Variants in EVL observed in about 807,000 individuals in gnomAD.
The protein encoded by EVL is Enah/Vasp-like.
In EVL, 21 loss-of-function variants were observed where a neutral mutation model predicts 59.6. The ratio of observed to expected loss-of-function variants is 0.35; its 90% confidence interval spans 0.25 to 0.51. The LOEUF (loss-of-function observed/expected upper bound fraction) is 0.51. Ranked by LOEUF, EVL falls within the 20% of genes least tolerant of loss-of-function variation. The pLI is 0.97. For synonymous variants in EVL, 198 were observed against 203.5 expected, an observed-to-expected ratio of 0.97 and a Z score of 0.23; for missense variants, 462 against 546.6, an observed-to-expected ratio of 0.85 and a Z score of 1.54.
chr14:100,097,410 C>A, intron 2 of EVL, 71 bp from the exon 3 acceptor site: 1 of 1,397,334 alleles, frequency 7.2e-7, no homozygotes, highest in South Asian at 1.4e-5. Context: ...TATACTTGCT[C>A]CATCGCAGCG....
rs1886095801 is a variant in EVL, at chr14:100,099,962, A to G, written c.358+2304A>G. ...AAAGTGCTTTTTTTTTTTGCCCCCA[A>G]GGTAGCTTTATTTTACTTGTACATG... On this transcript the variant is annotated intron_variant, in intron 3 of 13. Transcript: ENST00000392920. Among the ~76,000 whole-genome samples, 8 of 126,746 alleles carry G rather than the reference A, an allele frequency of 6.3e-5. No individual in the cohort carries two copies. The Admixed American group carries it at 6.8e-4, about 11-fold the overall frequency. The allele number at this position is 126,746 out of a possible 152,430, so 83.2% of individuals were successfully genotyped here.
At chr14:100,078,170 C>G (rs1237440515) in intron 1 of EVL, among the ~76,000 whole-genome samples, 1 of 152,216 alleles carries the variant, frequency 6.6e-6, no homozygotes, top group Admixed American at 6.5e-5. Context: ...AGAGCAAACC[C>G]ATTTAAGAAC....
chr14:100,026,733 A>G (rs935063793), intron 1 of EVL, among the ~76,000 whole-genome samples: 2 of 152,234 alleles, frequency 1.3e-5, no homozygotes, highest in Admixed American at 1.3e-4. Flanking sequence ...GTCAGAGAGA[A>G]GGTCGTCATC....
chr14:100,099,434 TAAAG>T (rs552151245), intron 3 of EVL, among the ~76,000 whole-genome samples: 100 of 152,144 alleles, frequency 6.6e-4, no homozygotes, highest in Middle Eastern at 3.4e-3. Flanking sequence ...TTTAAGTAAA[TAAAG>T]AACATGTTTT....
At chr14:100,079,938 A>C (rs1026530733) in intron 1 of EVL, among the ~76,000 whole-genome samples, 1 of 152,154 alleles carries the variant, frequency 6.6e-6, no homozygotes, top group Non-Finnish European at 1.5e-5. Context: ...GGCATGTTCC[A>C]TCACACCCAG....
At chr14:100,141,664 C>A in intron 12 of EVL, 72 bp from the exon 13 acceptor site, 1 of 1,498,558 alleles carries the variant, frequency 6.7e-7, no homozygotes, top group Non-Finnish European at 9.2e-7. Context: ...GCCCTTTGGA[C>A]ATGGCCCAGC....
In EVL at chr14:100,143,764, G is replaced by A. The variant is rs1382892431; in HGVS notation, c.*26G>A. On this transcript the variant is annotated 3_prime_UTR_variant, in exon 14 of 14. Transcript: ENST00000392920. ...GGGGCCGGCCTCGCTGCGCTGATTC[G>A]TCGAGCCCATCCGGCGACAGAGGAC... is the stretch of plus-strand genomic sequence containing the variant. 16 of 1,609,000 alleles carry A rather than the reference G, an allele frequency of 9.9e-6. No individual in the cohort carries two copies. Among genetic ancestry groups the A allele is most frequent in the African/African-American group, 1.3e-5 (1 of 74,974 alleles).
intron 1 of EVL, among the ~76,000 whole-genome samples, chr14:99,988,991 C>G (rs75528780): frequency 1.3e-5 from 2 of 152,026 alleles, no homozygotes; most frequent in Admixed American, 1.3e-4. Flanking sequence ...ATCCCAGTAT[C>G]GCAAGATTGG....
chr14:100,100,659 G>A (rs2140325646), intron 3 of EVL, among the ~76,000 whole-genome samples: 1 of 152,128 alleles, frequency 6.6e-6, no homozygotes, highest in South Asian at 2.1e-4. Context: ...TGTGTCTGTA[G>A]TCTCAACTAC....
chr14:99,982,114 T>G (rs1023736128), intron 1 of EVL, among the ~76,000 whole-genome samples: 1 of 152,176 alleles, frequency 6.6e-6, no homozygotes, highest in Non-Finnish European at 1.5e-5. Flanking sequence ...CAGATAAGCA[T>G]TGATCCTGCT....
At chr14:100,007,765 A>G (rs748378783) in intron 1 of EVL, among the ~76,000 whole-genome samples, 14 of 152,094 alleles carry the variant, frequency 9.2e-5, no homozygotes, top group Non-Finnish European at 1.8e-4. Context: ...AGATACTTTC[A>G]GAGAGAGAGG....
rs766368201 is a variant in EVL at position 100,141,810 on chromosome 14, C to T, written c.1219+17C>T. 22 of 1,610,926 alleles carry T rather than the reference C, an allele frequency of 1.4e-5. No individual in the cohort carries two copies. Among genetic ancestry groups the T allele is most frequent in the Admixed American group, 6.7e-5 (4 of 59,802 alleles). On this transcript the variant is annotated intron_variant, in intron 13 of 13. Coordinates refer to ENST00000392920, the MANE Select transcript of EVL (RefSeq NM_016337.3). ...TCATCGACGGTGAGTGCAGCCCCAC[C>T]GGGGAGGGTGGCACCCAGGTGTGGC...
chr14:100,115,213 C>G (rs1008982183), intron 3 of EVL, among the ~76,000 whole-genome samples: 3 of 152,200 alleles, frequency 2.0e-5, no homozygotes, highest in Non-Finnish European at 2.9e-5. Context: ...AACAACTCCC[C>G]TAAGGAACAC....
chr14:100,113,957 G>T (rs1887165152), intron 3 of EVL, among the ~76,000 whole-genome samples: 1 of 152,142 alleles, frequency 6.6e-6, no homozygotes, highest in African/African-American at 2.4e-5. Context: ...CCAAGGAATG[G>T]CCTGGAAGAC....
intron 1 of EVL, among the ~76,000 whole-genome samples, chr14:100,070,355 C>G (rs1436832788): frequency 1.3e-5 from 2 of 152,206 alleles, no homozygotes; most frequent in African/African-American, 4.8e-5. Context: ...CTGAGAGGAT[C>G]AAAATCTGCC....
At chr14:100,007,037 C>T (rs1006546306) in intron 1 of EVL, among the ~76,000 whole-genome samples, 6 of 151,808 alleles carry the variant, frequency 4.0e-5, no homozygotes, top group Non-Finnish European at 7.4e-5. Context: ...ATGTGAACCC[C>T]GAATATCTGA....
In EVL at chr14:100,123,614, C is replaced by T. The variant is rs2140368059; in HGVS notation, c.422+12C>T. Reference sequence around the variant, plus strand: ...GACATCCAGAGAAGGTAACCCAGCACCCGCAGGGGCCAGGCTGGTCATCTC... The same window carrying T: ...GACATCCAGAGAAGGTAACCCAGCATCCGCAGGGGCCAGGCTGGTCATCTC... On this transcript the variant is annotated intron_variant, in intron 4 of 13. Transcript: ENST00000392920. 6.2e-7 allele frequency: 1 copy of T among 1,613,890 alleles called. No individual in the cohort carries two copies. The highest frequency in any genetic ancestry group is 8.5e-7 in the Non-Finnish European group (1 of 1,179,852).
chr14:100,052,009 C>T (rs941118404), intron 1 of EVL, among the ~76,000 whole-genome samples: 2 of 152,028 alleles, frequency 1.3e-5, no homozygotes, highest in African/African-American at 2.4e-5. Context: ...ACTCGTTGGC[C>T]CTAAAGGAGA....
chr14:100,056,252 T>G (rs2061731219), intron 1 of EVL, among the ~76,000 whole-genome samples: 1 of 151,858 alleles, frequency 6.6e-6, no homozygotes, highest in African/African-American at 2.4e-5. Context: ...TGCCTTTTAC[T>G]TCTGTAGTCC....
Sources: allele counts gnomAD v4.1 joint callset (sites outside exome capture counted in the v4.1 genomes callset), GRCh38; gene constraint gnomAD v4.1.1; transcripts MANE v1.5; gene names NCBI Gene and HGNC (gene_info 2026-07-23, HGNC 2026-07-21).